The following CADPS2 variants were observed in gnomAD, a reference collection of about 807,000 sequenced individuals.
CADPS2 encodes the protein calcium dependent secretion activator 2.
Under a neutral mutation model 172.5 loss-of-function variants are expected in CADPS2, and 93 were observed. The observed-to-expected ratio is 0.54, with a 90% CI of 0.46 to 0.64. The LOEUF (loss-of-function observed/expected upper bound fraction) is 0.64. Among genes scored for constraint, CADPS2 ranks in the 30% least tolerant of loss-of-function variants. CADPS2 has a pLI of 0.00. For synonymous variants in CADPS2, 546 were observed against 555.2 expected, an observed-to-expected ratio of 0.98 and a Z score of 0.23; for missense variants, 1,420 against 1,565.9, an observed-to-expected ratio of 0.91 and a Z score of 1.57.
intron 12 of CADPS2, among the ~76,000 whole-genome samples, chr7:122,477,416 C>T (rs1442567751): frequency 2.0e-5 from 3 of 151,508 alleles, no homozygotes; most frequent in African/African-American, 7.3e-5. Context: ...CTTGGGAGGC[C>T]GAGGCAGGAG....
rs141147427 is a variant in CADPS2, at chr7:122,750,410, C to T, written c.340-13342G>A. Reference sequence around the variant, plus strand: ...ATAATGGGCAACCTATATTTGCATTCGTATTGTGTCTTCTGATGCCCCCTC... The same window carrying T: ...ATAATGGGCAACCTATATTTGCATTTGTATTGTGTCTTCTGATGCCCCCTC... On this transcript the variant is annotated intron_variant, in intron 1 of 29. Coordinates refer to ENST00000449022, the MANE Select transcript of CADPS2 (RefSeq NM_017954.11). Among the ~76,000 whole-genome samples the T allele has an allele frequency of 6.4e-3, 977 of 152,188 alleles. 11 individuals carry two copies. The highest frequency in any genetic ancestry group is 0.022 in the African/African-American group (931 of 41,508).
intron 1 of CADPS2, among the ~76,000 whole-genome samples, chr7:122,797,573 A>T (rs550986666): frequency 2.0e-4 from 31 of 152,312 alleles, no homozygotes; most frequent in African/African-American, 7.2e-4. Context: ...GGAGGCCATT[A>T]TCCTTAGCAA....
At chr7:122,541,711 A>G (rs1006770305) in intron 8 of CADPS2, among the ~76,000 whole-genome samples, 1 of 145,532 alleles carries the variant, frequency 6.9e-6, no homozygotes, top group African/African-American at 2.5e-5. Context: ...ATATTCATAT[A>G]TTTACATATA....
At chr7:122,347,624 C>T (rs1474498991) in intron 27 of CADPS2, among the ~76,000 whole-genome samples, 1 of 152,074 alleles carries the variant, frequency 6.6e-6, no homozygotes, top group Non-Finnish European at 1.5e-5. Flanking sequence ...TATTTTCAAC[C>T]TAATGGAGGC....
chr7:122,433,205 T>C (rs1242928338), intron 17 of CADPS2, among the ~76,000 whole-genome samples: 1 of 151,982 alleles, frequency 6.6e-6, no homozygotes, highest in African/African-American at 2.4e-5. Flanking sequence ...AGTCTTGAAC[T>C]CCTGGGTTCA....
At chr7:122,716,032 A>C (rs918978765) in intron 2 of CADPS2, among the ~76,000 whole-genome samples, 4 of 152,152 alleles carry the variant, frequency 2.6e-5, no homozygotes, top group African/African-American at 9.7e-5. Flanking sequence ...ATCACAAAAA[A>C]AGTATGTGAG....
At chr7:122,854,403 T>C (rs1334147987) in intron 1 of CADPS2, among the ~76,000 whole-genome samples, 4 of 152,118 alleles carry the variant, frequency 2.6e-5, no homozygotes, top group Non-Finnish European at 5.9e-5. Context: ...TTGCGTTCAC[T>C]GCCTTCTACT....
At chr7:122,650,825 C>A (rs2079076381) in intron 3 of CADPS2, among the ~76,000 whole-genome samples, 1 of 152,086 alleles carries the variant, frequency 6.6e-6, no homozygotes, top group African/African-American at 2.4e-5. Context: ...GACTCAAATT[C>A]ATTTTAGTAA....
intron 6 of CADPS2, among the ~76,000 whole-genome samples, chr7:122,592,853 G>C (rs1563801361): frequency 6.6e-6 from 1 of 151,316 alleles, no homozygotes; most frequent in Non-Finnish European, 1.5e-5. Context: ...TGGGGGGAGG[G>C]GGGAGGAATA....
intron 27 of CADPS2, among the ~76,000 whole-genome samples, chr7:122,360,504 C>T (rs2039985078): frequency 6.6e-6 from 1 of 152,124 alleles, no homozygotes; most frequent in African/African-American, 2.4e-5. Context: ...TAGTGTGAGG[C>T]ATTTTTCTAC....
chr7:122,733,316 T>G (rs952438122), intron 2 of CADPS2, among the ~76,000 whole-genome samples: 3 of 151,946 alleles, frequency 2.0e-5, no homozygotes, highest in African/African-American at 7.2e-5. Flanking sequence ...AGTTTCTAGA[T>G]AGAGCAATAA....
chr7:122,882,042 TC>T (rs1372651129), intron 1 of CADPS2, among the ~76,000 whole-genome samples: 10 of 152,124 alleles, frequency 6.6e-5, no homozygotes, highest in African/African-American at 2.4e-4. Context: ...TACCACTATG[TC>T]CAAAGGGAGA....
At chr7:122,486,339 T>C (rs1172383041) in intron 11 of CADPS2, among the ~76,000 whole-genome samples, 1 of 152,132 alleles carries the variant, frequency 6.6e-6, no homozygotes. Context: ...GAGGTAAAAA[T>C]ATCAACATTT....
Position 122,393,455 on chromosome 7 carries a change from T to C in CADPS2, c.2874A>G (p.Thr958=), listed in dbSNP as rs779349083. Residue 958 remains threonine, a synonymous_variant, in exon 21 of 30, where the codon ACA becomes ACG. Transcript: ENST00000449022. ...QSIHRGFEQE[T]WQPVKNIANS... is the part of the protein sequence containing the mutation. ...AAGATACCTACTTGACAGGCTGCCATGTCTCCTGCTCAAAACCTCTGTGAA... is the reference window on the plus strand; with the variant it reads ...AAGATACCTACTTGACAGGCTGCCACGTCTCCTGCTCAAAACCTCTGTGAA... 3.1e-6 allele frequency: 5 copies of C among 1,613,870 alleles called. No homozygotes were observed. The highest frequency in any genetic ancestry group is 1.1e-5 in the South Asian group (1 of 91,072).
chr7:122,503,199 C>A (rs1331206319), intron 9 of CADPS2, among the ~76,000 whole-genome samples: 2 of 151,764 alleles, frequency 1.3e-5, no homozygotes, highest in African/African-American at 4.8e-5. Context: ...ACCTGGCTGG[C>A]TAATTTTTGT....
At chr7:122,421,769 A>G (rs1256404426) in intron 17 of CADPS2, among the ~76,000 whole-genome samples, 1 of 152,272 alleles carries the variant, frequency 6.6e-6, no homozygotes, top group Non-Finnish European at 1.5e-5. Flanking sequence ...AAATGTAAGC[A>G]GTATGTAAGA....
chr7:122,695,395 T>C (rs898568358), intron 2 of CADPS2, among the ~76,000 whole-genome samples: 1 of 152,204 alleles, frequency 6.6e-6, no homozygotes, highest in African/African-American at 2.4e-5. Flanking sequence ...AAATGGTATA[T>C]AGCCCACAGA....
intron 23 of CADPS2, among the ~76,000 whole-genome samples, 175 bp from the exon 24 acceptor site, chr7:122,387,348 A>G (rs569922864): frequency 3.9e-5 from 6 of 152,186 alleles, no homozygotes; most frequent in East Asian, 1.9e-4. Flanking sequence ...AAGTGTCTCA[A>G]TGAAAGATCA....
intron 4 of CADPS2, among the ~76,000 whole-genome samples, chr7:122,625,393 T>C (rs2075993807): frequency 6.6e-6 from 1 of 152,152 alleles, no homozygotes. Flanking sequence ...TGGTGCCCAG[T>C]TGTTGGATCA....
Sources: allele counts gnomAD v4.1 joint callset (sites outside exome capture counted in the v4.1 genomes callset), GRCh38; gene constraint gnomAD v4.1.1; transcripts MANE v1.5; gene names NCBI Gene and HGNC (gene_info 2026-07-23, HGNC 2026-07-21).